Variants in C12orf54 observed in about 807,000 individuals in gnomAD.
C12orf54 encodes uncharacterized protein C12orf54.
A neutral mutation model predicts 26.4 loss-of-function variants in C12orf54; 24 were observed. That is an observed-to-expected ratio of 0.91 (90% CI 0.66 to 1.28). The LOEUF (loss-of-function observed/expected upper bound fraction) is 1.28, where lower values mean the gene tolerates loss of function less well. Ranked by LOEUF, C12orf54 falls within the 50% of genes most tolerant of loss-of-function variation. The pLI, the probability that C12orf54 is intolerant of heterozygous loss-of-function variation, is 0.00. For synonymous variants in C12orf54, 54 were observed against 47.0 expected, an observed-to-expected ratio of 1.15 and a Z score of -0.61; for missense variants, 154 against 150.9, an observed-to-expected ratio of 1.02 and a Z score of -0.11.
At chr12:48,474,205 A>T in the C12orf54 span, among the ~76,000 whole-genome samples, 1 of 152,266 alleles carries the variant, frequency 6.6e-6, no homozygotes, top group Non-Finnish European at 1.5e-5. Flanking sequence ...AAAAATGATG[A>T]GAGAATTCTT....
intron 4 of C12orf54, chr12:48,488,284 C>A (rs1249538995): frequency 3.5e-6 from 2 of 578,856 alleles, no homozygotes; most frequent in Non-Finnish European, 6.5e-6. Flanking sequence ...GATTAGCGAT[C>A]TGGAAGACTT....
chr12:48,457,583 C>T, the C12orf54 span, among the ~76,000 whole-genome samples: 14 of 152,166 alleles, frequency 9.2e-5, no homozygotes, highest in African/African-American at 1.4e-4. Context: ...CTGCCTGCCT[C>T]GGCCTCCCAA....
At position 48,486,198 on chromosome 12, in the gene C12orf54, T is replaced by C. The variant is rs1432436167; in HGVS notation, c.86T>C (p.Met29Thr). 3 of 1,610,348 alleles carry C rather than the reference T, an allele frequency of 1.9e-6. No individual in the cohort carries two copies. Among genetic ancestry groups the C allele is most frequent in the African/African-American group, 2.7e-5 (2 of 74,808 alleles). Residue 29 changes from methionine (M) to threonine (T), a missense_variant, in exon 3 of 9, where the codon ATG (methionine) becomes ACG (threonine). By Grantham distance (81) the Met-to-Thr change is moderately conservative (BLOSUM62 -1). Coordinates refer to ENST00000548364, the MANE Select transcript of C12orf54 (RefSeq NM_152319.4). ...QQRSTSIEET[M>T]RPQEKQVTIT... Reference sequence around the variant, plus strand: ...TGCAGCACATCCATAGAAGAGACAATGAGACCACAGGTGGGTAAGGTATCC... The same window carrying C: ...TGCAGCACATCCATAGAAGAGACAACGAGACCACAGGTGGGTAAGGTATCC...
the C12orf54 span, among the ~76,000 whole-genome samples, chr12:48,471,380 A>G: frequency 1.6e-4 from 25 of 152,138 alleles, 1 homozygote; most frequent in Admixed American, 1.6e-3. Flanking sequence ...AAATCTTAGT[A>G]AACAGTGCTG....
At chr12:48,463,792 AT>A in the C12orf54 span, among the ~76,000 whole-genome samples, 1 of 152,080 alleles carries the variant, frequency 6.6e-6, no homozygotes, top group South Asian at 2.1e-4. Flanking sequence ...AATTCAACAA[AT>A]GTGACTCATC....
intron 6 of C12orf54, among the ~76,000 whole-genome samples, chr12:48,491,578 C>A (rs995827954): frequency 6.6e-6 from 1 of 152,046 alleles, no homozygotes; most frequent in African/African-American, 2.4e-5. Flanking sequence ...TCTGTAAAGA[C>A]AGCAAGTACA....
At chr12:48,430,542 A>G in the C12orf54 span, among the ~76,000 whole-genome samples, 1 of 152,222 alleles carries the variant, frequency 6.6e-6, no homozygotes, top group African/African-American at 2.4e-5. Flanking sequence ...CAAAAAACAT[A>G]TGAAAATAAT....
chr12:48,441,278 G>A, the C12orf54 span, among the ~76,000 whole-genome samples: 1 of 152,314 alleles, frequency 6.6e-6, no homozygotes. Context: ...TAGGCTGTCA[G>A]AGTGCTGCAT....
At chr12:48,462,852 C>A in the C12orf54 span, among the ~76,000 whole-genome samples, 1 of 151,760 alleles carries the variant, frequency 6.6e-6, no homozygotes, top group Non-Finnish European at 1.5e-5. Context: ...AAGAAATCTG[C>A]TCTCACCACT....
chr12:48,439,898 A>C, the C12orf54 span, among the ~76,000 whole-genome samples: 5 of 152,110 alleles, frequency 3.3e-5, no homozygotes, highest in Non-Finnish European at 5.9e-5. Context: ...AAAGTATGAT[A>C]ATAATAAAAT....
the C12orf54 span, among the ~76,000 whole-genome samples, chr12:48,433,655 G>A: frequency 6.6e-6 from 1 of 152,152 alleles, no homozygotes; most frequent in Admixed American, 6.5e-5. Flanking sequence ...CACCATGTTA[G>A]CCAGGATGGT....
chr12:48,463,230 G>T, the C12orf54 span, among the ~76,000 whole-genome samples: 1 of 151,824 alleles, frequency 6.6e-6, no homozygotes, highest in African/African-American at 2.4e-5. Flanking sequence ...GCTTAAAGAA[G>T]CTAAGGGGGA....
the C12orf54 span, chr12:48,473,012 G>A: frequency 6.2e-7 from 1 of 1,614,070 alleles, no homozygotes; most frequent in Non-Finnish European, 8.5e-7. Flanking sequence ...AAAACCTCGA[G>A]AGCTTAGACC....
the C12orf54 span, among the ~76,000 whole-genome samples, chr12:48,440,733 G>A: frequency 6.6e-6 from 1 of 152,190 alleles, no homozygotes; most frequent in African/African-American, 2.4e-5. Context: ...GTCTCTATGG[G>A]ACATGCCTAG....
the C12orf54 span, among the ~76,000 whole-genome samples, chr12:48,437,213 T>A: frequency 6.6e-6 from 1 of 152,110 alleles, no homozygotes; most frequent in Non-Finnish European, 1.5e-5. Context: ...AAAAGTTGAA[T>A]CTCTGAATAG....
At chr12:48,483,463 C>T (rs954460053) in intron 2 of C12orf54, 102 bp downstream of exon 2, 1 of 1,074,736 alleles carries the variant, frequency 9.3e-7, no homozygotes, top group Non-Finnish European at 1.4e-6. Flanking sequence ...TTTGGCTTCA[C>T]TTGCTTCCTG....
At chr12:48,421,205 A>T in the C12orf54 span, among the ~76,000 whole-genome samples, 105 of 152,236 alleles carry the variant, frequency 6.9e-4, no homozygotes, top group Non-Finnish European at 2.4e-4. Context: ...TACAGGAAGC[A>T]TGAGGTTGCC....
intron 2 of C12orf54, among the ~76,000 whole-genome samples, chr12:48,483,927 C>T (rs1954228454): frequency 6.6e-6 from 1 of 152,178 alleles, no homozygotes; most frequent in African/African-American, 2.4e-5. Flanking sequence ...GGTGCAGTGC[C>T]TCATGCCTGT....
rs141753072 is a variant in C12orf54, at chr12:48,486,207, A to T, written c.95A>T (p.Gln32Leu). 3 of 1,609,788 alleles carry T rather than the reference A, an allele frequency of 1.9e-6. No homozygotes were observed. The highest frequency in any genetic ancestry group is 1.1e-5 in the South Asian group (1 of 90,994). ...STSIEETMRPQEKQVTITETL... is the reference protein window; with the variant it reads ...STSIEETMRPLEKQVTITETL... ...TCCATAGAAGAGACAATGAGACCAC[A>T]GGTGGGTAAGGTATCCAAATTCTCT... The change falls in exon 3 of 9, where the codon CAG becomes CTG. Residue 32 changes from glutamine to leucine, a missense_variant and splice_region_variant. Gln to Leu is a moderately radical substitution (Grantham distance 113). Transcript: ENST00000548364.
Sources: gnomAD v4.1 joint callset for allele counts (sites outside exome capture counted in the v4.1 genomes callset) on GRCh38, gnomAD v4.1.1 for gene constraint, MANE v1.5 for transcripts, NCBI Gene and HGNC (gene_info 2026-07-23, HGNC 2026-07-21) for gene names.